The following CHFR variants were observed in gnomAD, a reference collection of about 807,000 sequenced individuals.
CHFR encodes the protein checkpoint with forkhead and ring finger domains, also known as E3 ubiquitin-protein ligase CHFR.
In CHFR, 57 loss-of-function variants were observed where a neutral mutation model predicts 87.6. The observed-to-expected ratio is 0.65, with a 90% CI of 0.53 to 0.81. The LOEUF (loss-of-function observed/expected upper bound fraction) is 0.81. Ranked by LOEUF, CHFR falls within the 30% of genes least tolerant of loss-of-function variation. The pLI is 0.00. For missense variants in CHFR, 797 were observed against 865.8 expected, an observed-to-expected ratio of 0.92 and a Z score of 1.00; for synonymous variants, 381 against 359.2, an observed-to-expected ratio of 1.06 and a Z score of -0.69.
At chr12:132,848,349 C>G in intron 13 of CHFR, 194 bp from the exon 14 acceptor site, 1 of 1,076,434 alleles carries the variant, frequency 9.3e-7, no homozygotes, top group Non-Finnish European at 1.4e-6. Flanking sequence ...TTAAAAAGAT[C>G]AGCTCTCCGA....
intron 5 of CHFR, among the ~76,000 whole-genome samples, chr12:132,870,423 C>T (rs534885322): frequency 4.0e-5 from 6 of 150,130 alleles, no homozygotes; most frequent in Non-Finnish European, 5.9e-5. Context: ...CCCAGCTACT[C>T]GGGAGGCTGA....
At chr12:132,855,968 G>T (rs1951059888) in intron 10 of CHFR, among the ~76,000 whole-genome samples, 1 of 152,168 alleles carries the variant, frequency 6.6e-6, no homozygotes, top group Non-Finnish European at 1.5e-5. Flanking sequence ...AGGTCTCTGA[G>T]GCTGGGATTG....
In CHFR at chr12:132,832,516, G is replaced by C. The variant is rs908806327; in HGVS notation, c.*9038C>G. 6.6e-6 allele frequency: 1 copy of C among 152,150 alleles called. No individual in the cohort carries two copies. Among genetic ancestry groups the C allele is most frequent in the African/African-American group, 2.4e-5 (1 of 41,418 alleles). 9.4% of individuals were successfully genotyped at this position (152,150 alleles called of 1,614,324 possible). A position where few individuals can be genotyped will look rare whatever the true frequency, so the allele number is the denominator to read the frequency against. ...GAAATGATACAGGCTTGAGGTGATG[G>C]ATACCCCAGTTACTGGGAGTTGATC... On this transcript the variant is annotated 3_prime_UTR_variant, in exon 18 of 18. Coordinates refer to ENST00000450056, the MANE Select transcript of CHFR (RefSeq NM_001161346.2).
At chr12:132,853,093 T>C (rs951849785) in intron 11 of CHFR, among the ~76,000 whole-genome samples, 5 of 152,314 alleles carry the variant, frequency 3.3e-5, no homozygotes, top group Middle Eastern at 3.4e-3. Context: ...GGGACAGATA[T>C]GCGATCATCA....
At chr12:132,866,556 G>A (rs530063384) in intron 6 of CHFR, 8 of 150,730 alleles carry the variant, frequency 5.3e-5, no homozygotes, top group Non-Finnish European at 1.0e-4. Context: ...AACACACCGC[G>A]ATTGTTACAA....
chr12:132,877,995 G>C (rs1490595559), intron 2 of CHFR, among the ~76,000 whole-genome samples: 3 of 151,962 alleles, frequency 2.0e-5, no homozygotes, highest in Non-Finnish European at 4.4e-5. Context: ...GTAGAGACGG[G>C]GTTTCACCAT....
chr12:132,847,164 C>T (rs1950849597), intron 14 of CHFR, 34 bp from the exon 15 acceptor site: 1 of 1,611,398 alleles, frequency 6.2e-7, no homozygotes, highest in South Asian at 1.1e-5. Context: ...ATAAGAAATA[C>T]TCGTTTAGAG....
In CHFR at chr12:132,837,582, G is replaced by T. The variant is rs920133562; in HGVS notation, c.*3972C>A. On this transcript the variant is annotated 3_prime_UTR_variant, in exon 18 of 18. Transcript: ENST00000450056. ...TGAGCACTCATCACCTTTGTTTTCAGTGTAACTCAATTCTAAGTGTAGAGG... is the reference window on the plus strand; with the variant it reads ...TGAGCACTCATCACCTTTGTTTTCATTGTAACTCAATTCTAAGTGTAGAGG... 6.6e-6 allele frequency: 1 copy of T among 152,414 alleles called. No individual in the cohort carries two copies. Among genetic ancestry groups the T allele is most frequent in the Non-Finnish European group, 1.5e-5 (1 of 68,172 alleles). 9.4% of individuals were successfully genotyped at this position (152,414 alleles called of 1,614,324 possible).
In CHFR at chr12:132,877,087, G is replaced by A. The variant is rs573078497; in HGVS notation, c.233+468C>T. ...TGGGATTACAGGTGTGAGCCACCGC[G>A]CCCGGGCTGATAATAATGTTTTTTT... On this transcript the variant is annotated intron_variant, in intron 3 of 17. Coordinates refer to ENST00000450056, the MANE Select transcript of CHFR (RefSeq NM_001161346.2). Among the ~76,000 whole-genome samples the A allele has an allele frequency of 5.9e-5, 9 of 152,254 alleles. No individual in the cohort carries two copies. The South Asian group carries it at 8.3e-4, about 14-fold the overall frequency.
At chr12:132,843,385 C>G (rs1483739198) in intron 16 of CHFR, among the ~76,000 whole-genome samples, 1 of 151,920 alleles carries the variant, frequency 6.6e-6, no homozygotes, top group Admixed American at 6.6e-5. Context: ...AAGATCACAC[C>G]ACTGCACTTC....
At chr12:132,870,827 C>T in intron 4 of CHFR, 44 bp from the exon 5 acceptor site, 1 of 1,276,336 alleles carries the variant, frequency 7.8e-7, no homozygotes, top group Non-Finnish European at 1.1e-6. Context: ...GGCCCCTGTG[C>T]AAACTGAGAA....
intron 3 of CHFR, among the ~76,000 whole-genome samples, chr12:132,875,035 G>A (rs758084965): frequency 6.6e-5 from 10 of 152,126 alleles, no homozygotes; most frequent in South Asian, 2.1e-4. Flanking sequence ...GATGTAGGCA[G>A]GAAAGCCCAG....
chr12:132,838,538 A>G lies in CHFR; in HGVS notation c.*3016T>C. 1 of 152,670 alleles carries G rather than the reference A, an allele frequency of 6.6e-6. No homozygotes were observed. The highest frequency in any genetic ancestry group is 1.5e-5 in the Non-Finnish European group (1 of 68,308). 9.5% of individuals were successfully genotyped at this position (152,670 alleles called of 1,614,324 possible). A position where few individuals can be genotyped will look rare whatever the true frequency, so the allele number is the denominator to read the frequency against. On this transcript the variant is annotated 3_prime_UTR_variant, in exon 18 of 18. Transcript: ENST00000450056. ...GGGAGCACAGAGGGAGCCGCAGATG[A>G]GGAGTGCGTGGGGAGACGGTCTGTG... is the stretch of plus-strand genomic sequence containing the variant.
Position 132,887,353 on chromosome 12 carries a change from C to A in CHFR, c.-12-13G>T, listed in dbSNP as rs768284336. 7.2e-7 allele frequency: 1 copy of A among 1,389,804 alleles called. No homozygotes were observed. The highest frequency in any genetic ancestry group is 1.5e-5 in the South Asian group (1 of 65,520). The allele number at this position is 1,389,804 out of a possible 1,614,324, so 86.1% of individuals were successfully genotyped here. On this transcript the variant is annotated splice_polypyrimidine_tract_variant and intron_variant, in intron 1 of 17. Transcript: ENST00000450056. ...TCGGGATTCACATCTGCGGAGACCCCGGAAACGCCCATGGAGACTCCCGAC... is the reference window on the plus strand; with the variant it reads ...TCGGGATTCACATCTGCGGAGACCCAGGAAACGCCCATGGAGACTCCCGAC...
At chr12:132,883,584 G>A (rs1339696097) in intron 2 of CHFR, among the ~76,000 whole-genome samples, 1 of 151,584 alleles carries the variant, frequency 6.6e-6, no homozygotes, top group African/African-American at 2.4e-5. Flanking sequence ...AAAATTAGCC[G>A]GGCATGGTGG....
rs1054288089 is a variant in CHFR at position 132,841,357 on chromosome 12, G to A, written c.*197C>T. ...CCAGCGCTCACCAGGAGGGCGGGCT[G>A]CGGCCCCCGGGGCTCTGGGGAGGGT... On this transcript the variant is annotated 3_prime_UTR_variant, in exon 18 of 18. Transcript: ENST00000450056. 5.2e-6 allele frequency: 3 copies of A among 574,230 alleles called. No individual in the cohort carries two copies. Among genetic ancestry groups the A allele is most frequent in the Non-Finnish European group, 9.3e-6 (3 of 323,302 alleles). The allele number at this position is 574,230 out of a possible 1,614,324, so 35.6% of individuals were successfully genotyped here.
At chr12:132,862,536 C>A (rs181964126) in intron 6 of CHFR, 2 of 377,420 alleles carry the variant, frequency 5.3e-6, no homozygotes, top group African/African-American at 2.2e-5. Context: ...CCCGGGAGTT[C>A]GAGGCTACAG....
chr12:132,859,511 C>T (rs558162279), intron 7 of CHFR, among the ~76,000 whole-genome samples: 4 of 152,180 alleles, frequency 2.6e-5, no homozygotes, highest in African/African-American at 7.2e-5. Flanking sequence ...CCACCACGCC[C>T]GGCTAATTTT....
chr12:132,858,926 A>G lies in CHFR; in HGVS notation c.911+142T>C, dbSNP rs143499905. On this transcript the variant is annotated intron_variant, in intron 8 of 17. Transcript: ENST00000450056. ...TCCACCCACTCCACCCACTCCACCC[A>G]CTTATCTGGGTGACAGAGTAACCTC... is the stretch of plus-strand genomic sequence containing the variant. 3.4e-3 allele frequency: 2,555 copies of G among 761,298 alleles called. 14 individuals carry two copies. The highest frequency in any genetic ancestry group is 9.4e-3 in the South Asian group (484 of 51,492). 47.2% of individuals were successfully genotyped at this position (761,298 alleles called of 1,614,324 possible).
Sources: allele counts gnomAD v4.1 joint callset (sites outside exome capture counted in the v4.1 genomes callset), GRCh38; gene constraint gnomAD v4.1.1; transcripts MANE v1.5; gene names NCBI Gene and HGNC (gene_info 2026-07-23, HGNC 2026-07-21).